ADCY1: variants seen among roughly 807,000 people sequenced by gnomAD.
The protein encoded by ADCY1 is adenylate cyclase 1.
A neutral mutation model predicts 105.4 loss-of-function variants in ADCY1; 28 were observed. The observed-to-expected ratio is 0.27, with a 90% confidence interval of 0.20 to 0.36. ADCY1 has a LOEUF of 0.36. Ranked by LOEUF, ADCY1 falls within the 10% of genes least tolerant of loss-of-function variation. The probability of loss-of-function intolerance (pLI) is 1.00; values close to 1 mark genes in which losing one functional copy is unlikely to be tolerated. For missense variants in ADCY1, 977 were observed against 1,434.2 expected, an observed-to-expected ratio of 0.68 and a Z score of 5.15; for synonymous variants, 655 against 623.8, an observed-to-expected ratio of 1.05 and a Z score of -0.75.
chr7:45,720,201 GA>G lies in ADCY1; in HGVS notation c.*6211del, dbSNP rs1785444717. On this transcript the variant is annotated 3_prime_UTR_variant, in exon 20 of 20. Coordinates refer to ENST00000297323, the MANE Select transcript of ADCY1 (RefSeq NM_021116.4). ...TGGGTTGTGCTTCACAATGGACTGG[GA>G]AAAACATCTTTGAAATCAGGAAATC... 1 of 152,152 alleles carries G rather than the reference GA, an allele frequency of 6.6e-6. No individual in the cohort carries two copies. The highest frequency in any genetic ancestry group is 2.4e-5 in the African/African-American group (1 of 41,412). 9.4% of individuals were successfully genotyped at this position (152,152 alleles called of 1,614,324 possible).
At chr7:45,576,844 G>C (rs1792364175) in intron 1 of ADCY1, among the ~76,000 whole-genome samples, 1 of 152,014 alleles carries the variant, frequency 6.6e-6, no homozygotes, top group South Asian at 2.1e-4. Flanking sequence ...GCAGGCCCAG[G>C]GATCCCAACC....
intron 8 of ADCY1, among the ~76,000 whole-genome samples, chr7:45,666,168 G>A (rs1784251463): frequency 6.6e-6 from 1 of 151,698 alleles, no homozygotes; most frequent in Middle Eastern, 3.2e-3. Flanking sequence ...TAAGTTTTAG[G>A]GTACATGTGA....
chr7:45,608,220 T>C (rs1793433524), intron 2 of ADCY1, among the ~76,000 whole-genome samples: 1 of 152,240 alleles, frequency 6.6e-6, no homozygotes, highest in Non-Finnish European at 1.5e-5. Context: ...CATTTTTTCA[T>C]GTTTGTTGGC....
At chr7:45,711,425 A>G (rs1785228023) in intron 19 of ADCY1, among the ~76,000 whole-genome samples, 1 of 152,064 alleles carries the variant, frequency 6.6e-6, no homozygotes, top group Non-Finnish European at 1.5e-5. Context: ...TGCTCAAAAC[A>G]TAGATGGGGC....
chr7:45,608,434 C>G (rs1041927250), intron 2 of ADCY1, among the ~76,000 whole-genome samples: 12 of 152,220 alleles, frequency 7.9e-5, no homozygotes, highest in Non-Finnish European at 1.5e-4. Context: ...TAGCCAAGAA[C>G]CCCAATGAAA....
intron 3 of ADCY1, among the ~76,000 whole-genome samples, chr7:45,622,185 G>A (rs916838595): frequency 3.3e-5 from 5 of 152,162 alleles, no homozygotes; most frequent in African/African-American, 9.7e-5. Context: ...CACACTCAGG[G>A]CCTGGGAGTT....
At chr7:45,682,416 G>A (rs961419763) in intron 11 of ADCY1, among the ~76,000 whole-genome samples, 1 of 152,158 alleles carries the variant, frequency 6.6e-6, no homozygotes, top group African/African-American at 2.4e-5. Context: ...AACATCAGGA[G>A]CGGGCAGAGG....
At chr7:45,649,361 A>T (rs1307536311) in intron 5 of ADCY1, among the ~76,000 whole-genome samples, 2 of 152,200 alleles carry the variant, frequency 1.3e-5, no homozygotes, top group Non-Finnish European at 2.9e-5. Flanking sequence ...GAAGACACAG[A>T]TGTTTTTGTC....
Position 45,708,613 on chromosome 7 carries a change from C to T in ADCY1, c.2932+149C>T. 9.8e-6 allele frequency: 6 copies of T among 610,950 alleles called. No individual in the cohort carries two copies. The highest frequency in any genetic ancestry group is 5.9e-6 in the Non-Finnish European group (2 of 338,382). The allele number at this position is 610,950 out of a possible 1,614,324, so 37.8% of individuals were successfully genotyped here. On this transcript the variant is annotated intron_variant, in intron 18 of 19. Transcript: ENST00000297323. The surrounding 1 kb of genome is among the most constrained non-coding windows in gnomAD (Gnocchi z 4.7). ...GCATGGGGACCTGTGTACCGAGTTG[C>T]CCCTGGAAGCTGCTGGTGGAAGGTG...
chr7:45,604,464 A>G (rs1311900056), intron 2 of ADCY1, among the ~76,000 whole-genome samples: 1 of 152,186 alleles, frequency 6.6e-6, no homozygotes, highest in Non-Finnish European at 1.5e-5. Flanking sequence ...TTTATCTTTT[A>G]CATTTAAATC....
chr7:45,616,555 C>T (rs1048435640), intron 3 of ADCY1, among the ~76,000 whole-genome samples: 12 of 152,050 alleles, frequency 7.9e-5, no homozygotes, highest in Middle Eastern at 3.2e-3. Context: ...TAAGAGAATA[C>T]GGAATACAAA....
intron 5 of ADCY1, among the ~76,000 whole-genome samples, chr7:45,657,154 A>T (rs893575838): frequency 6.6e-6 from 1 of 152,102 alleles, no homozygotes; most frequent in Non-Finnish European, 1.5e-5. Context: ...CCAGCTTCTC[A>T]TGTCTGGATG....
rs567609840 is a variant in ADCY1, at chr7:45,650,851, C to T, written c.1148+2054C>T. Among the ~76,000 whole-genome samples, 14 of 152,308 alleles carry T rather than the reference C, an allele frequency of 9.2e-5. No homozygotes were observed. The East Asian group carries it at 1.4e-3, about 15-fold the overall frequency. On this transcript the variant is annotated intron_variant, in intron 5 of 19. Coordinates refer to ENST00000297323, the MANE Select transcript of ADCY1 (RefSeq NM_021116.4). ...CGCTGCCCAGGAAGCCCTGCGTCTA[C>T]GCTCTGGTTCTGCACCTGGCCTGGA...
Position 45,703,611 on chromosome 7 carries a change from C to T in ADCY1, c.2583C>T (p.Tyr861=), listed in dbSNP as rs2116259610. The stretch of plus-strand genomic sequence containing the variant: ...CTTTGAACTTCCAGGACCTCTACTA[C>T]CAGTCCTACTCCCAGGTGGGCGTCA... ...MSNPRNMDLY[Y]QSYSQVGVMF... Residue 861 remains tyrosine (Y), a synonymous_variant, in exon 16 of 20, where the codon TAC becomes TAT. Coordinates refer to ENST00000297323, the MANE Select transcript of ADCY1 (RefSeq NM_021116.4). The surrounding 1 kb of genome is among the most constrained non-coding windows in gnomAD (Gnocchi z 5.9). The T allele has an allele frequency of 6.2e-7, 1 of 1,612,416 alleles. No homozygotes were observed. Among genetic ancestry groups the T allele is most frequent in the Middle Eastern group, 1.7e-4 (1 of 6,044 alleles).
chr7:45,702,273 A>G (rs1411103968), intron 14 of ADCY1, among the ~76,000 whole-genome samples: 3 of 152,212 alleles, frequency 2.0e-5, no homozygotes, highest in Admixed American at 6.5e-5. Context: ...CTTGTTAAGT[A>G]CAACCCTACA....
chr7:45,695,643 T>A (rs1332324345), intron 14 of ADCY1, among the ~76,000 whole-genome samples: 1 of 152,228 alleles, frequency 6.6e-6, no homozygotes, highest in African/African-American at 2.4e-5. Context: ...AGGTTAGATC[T>A]GGGTTAGAAG....
chr7:45,592,975 C>T (rs1562677933), intron 2 of ADCY1, 67 bp downstream of exon 2: 5 of 1,587,554 alleles, frequency 3.1e-6, no homozygotes, highest in East Asian at 4.5e-5. Context: ...AAGAAGCTGG[C>T]TTCCTGAGCC....
rs150013886 is a variant in ADCY1 at position 45,624,124 on chromosome 7, G to A, written c.1020+1381G>A. Reference sequence around the variant, plus strand: ...GATGCTCCCTTAATGAAGGAGGGGAGAAGAGGGCACCCTGATTGGGGGCTG... The same window carrying A: ...GATGCTCCCTTAATGAAGGAGGGGAAAAGAGGGCACCCTGATTGGGGGCTG... On this transcript the variant is annotated intron_variant, in intron 4 of 19. Transcript: ENST00000297323. 8.4e-4 allele frequency among the ~76,000 whole-genome samples: 128 copies of A among 152,304 alleles called. 1 individual carries two copies. The highest frequency in any genetic ancestry group is 2.9e-3 in the African/African-American group (121 of 41,578).
intron 2 of ADCY1, among the ~76,000 whole-genome samples, chr7:45,596,630 G>A (rs1167813235): frequency 2.6e-5 from 4 of 152,204 alleles, no homozygotes; most frequent in Admixed American, 1.3e-4. Flanking sequence ...TGCCGGGCAC[G>A]TCCAGAGGGA....
Sources: allele counts gnomAD v4.1 joint callset (sites outside exome capture counted in the v4.1 genomes callset), GRCh38; gene constraint gnomAD v4.1.1; non-coding constraint Gnocchi (gnomAD v3.1); transcripts MANE v1.5; gene names NCBI Gene and HGNC (gene_info 2026-07-23, HGNC 2026-07-21).